Variants in SPTLC3 observed in about 807,000 individuals in gnomAD.
The protein encoded by SPTLC3 is serine palmitoyltransferase long chain base subunit 3.
Under a neutral mutation model 59.3 loss-of-function variants are expected in SPTLC3, and 36 were observed. The ratio of observed to expected loss-of-function variants is 0.61; its 90% CI spans 0.47 to 0.80. The LOEUF (loss-of-function observed/expected upper bound fraction) is 0.80, where lower values mean the gene tolerates loss of function less well. Ranked by LOEUF, SPTLC3 falls within the 30% of genes least tolerant of loss-of-function variation. The pLI is 0.00. For synonymous variants in SPTLC3, 257 were observed against 240.8 expected, an observed-to-expected ratio of 1.07 and a Z score of -0.62; for missense variants, 625 against 685.1, an observed-to-expected ratio of 0.91 and a Z score of 0.98.
At chr20:13,155,370 A>G (rs915225519) in intron 10 of SPTLC3, among the ~76,000 whole-genome samples, 11 of 152,170 alleles carry the variant, frequency 7.2e-5, no homozygotes, top group African/African-American at 2.4e-4. Context: ...GCCTGACTAG[A>G]TTGGCAGAGT....
intron 1 of SPTLC3, among the ~76,000 whole-genome samples, chr20:13,035,659 G>A (rs1986702788): frequency 6.6e-6 from 1 of 152,178 alleles, no homozygotes; most frequent in Non-Finnish European, 1.5e-5. Context: ...TCAGGAAGGT[G>A]CTGTGTGCAA....
chr20:13,132,959 C>T, intron 9 of SPTLC3: 1 of 153,680 alleles, frequency 6.5e-6, no homozygotes, highest in Non-Finnish European at 1.5e-5. Context: ...TGCCTCCTTG[C>T]TCCATGGATC....
chr20:13,061,983 T>A (rs529193697), intron 2 of SPTLC3, among the ~76,000 whole-genome samples: 25 of 152,242 alleles, frequency 1.6e-4, no homozygotes, highest in Non-Finnish European at 8.8e-5. Context: ...TCTAACTTCA[T>A]CCCTTCTCCT....
At chr20:13,163,448 A>G (rs192285331) in intron 11 of SPTLC3, among the ~76,000 whole-genome samples, 1 of 152,056 alleles carries the variant, frequency 6.6e-6, no homozygotes, top group East Asian at 1.9e-4. Flanking sequence ...AGATGCCCCA[A>G]ATGTGCAGAT....
intron 1 of SPTLC3, among the ~76,000 whole-genome samples, chr20:13,011,152 C>T (rs970740494): frequency 2.0e-5 from 3 of 152,104 alleles, no homozygotes; most frequent in African/African-American, 7.2e-5. Flanking sequence ...CAAAAAAAAC[C>T]CGGCTGAGAT....
intron 4 of SPTLC3, among the ~76,000 whole-genome samples, chr20:13,084,657 G>T (rs1988949217): frequency 6.6e-6 from 1 of 152,132 alleles, no homozygotes; most frequent in South Asian, 2.1e-4. Context: ...TAAGCAGATG[G>T]TCTGCATTTA....
intron 1 of SPTLC3, among the ~76,000 whole-genome samples, chr20:13,047,924 G>T (rs1237211737): frequency 6.6e-6 from 1 of 152,078 alleles, no homozygotes; most frequent in Non-Finnish European, 1.5e-5. Context: ...CTATTATAAT[G>T]CTTTGCCCCT....
At chr20:13,029,658 A>G (rs993711165) in intron 1 of SPTLC3, among the ~76,000 whole-genome samples, 2 of 152,156 alleles carry the variant, frequency 1.3e-5, no homozygotes, top group East Asian at 1.9e-4. Flanking sequence ...TTTTTCATGG[A>G]AGCAAAAGGC....
chr20:13,057,581 C>T (rs901159264), intron 2 of SPTLC3, among the ~76,000 whole-genome samples: 7 of 152,166 alleles, frequency 4.6e-5, no homozygotes, highest in African/African-American at 1.2e-4. Flanking sequence ...CTCTGATCAT[C>T]CTCTTTATCT....
chr20:13,040,680 C>T (rs1284926934), intron 1 of SPTLC3, among the ~76,000 whole-genome samples: 2 of 151,194 alleles, frequency 1.3e-5, no homozygotes, highest in African/African-American at 4.9e-5. Context: ...TGCCTGTGCC[C>T]CCTTTTTTTT....
intron 5 of SPTLC3, 111 bp from the exon 6 acceptor site, chr20:13,093,373 T>C (rs1166965360): frequency 7.4e-6 from 7 of 943,878 alleles, no homozygotes; most frequent in Non-Finnish European, 1.1e-5. Flanking sequence ...AAAATTAAAG[T>C]GAGTTTTAGA....
chr20:13,112,930 C>A (rs1990319140), intron 7 of SPTLC3, among the ~76,000 whole-genome samples: 1 of 152,182 alleles, frequency 6.6e-6, no homozygotes, highest in Admixed American at 6.5e-5. Flanking sequence ...TGCCTGTAAT[C>A]CTATCACTTC....
chr20:13,090,461 T>G (rs536600652), intron 4 of SPTLC3, among the ~76,000 whole-genome samples: 1 of 152,158 alleles, frequency 6.6e-6, no homozygotes, highest in East Asian at 1.9e-4. Context: ...GTGGGAAAAC[T>G]CTGATGGGGT....
At chr20:13,093,884 C>T (rs1043490906) in intron 6 of SPTLC3, among the ~76,000 whole-genome samples, 2 of 152,168 alleles carry the variant, frequency 1.3e-5, no homozygotes, top group Non-Finnish European at 2.9e-5. Flanking sequence ...AGTGTTATTA[C>T]TCTTCCCTTT....
chr20:13,069,278 C>G (rs975842361), intron 2 of SPTLC3, among the ~76,000 whole-genome samples: 6 of 152,046 alleles, frequency 3.9e-5, no homozygotes, highest in Non-Finnish European at 8.8e-5. Context: ...CGAGGCTGAC[C>G]AGAGTTCAAG....
chr20:13,115,248 A>G (rs1990470310), intron 7 of SPTLC3, among the ~76,000 whole-genome samples: 1 of 152,192 alleles, frequency 6.6e-6, no homozygotes, highest in African/African-American at 2.4e-5. Flanking sequence ...TCACATTGTG[A>G]AAATGAAAAC....
intron 1 of SPTLC3, among the ~76,000 whole-genome samples, chr20:13,032,071 A>T (rs1986502947): frequency 6.6e-6 from 1 of 152,206 alleles, no homozygotes; most frequent in African/African-American, 2.4e-5. Context: ...AGAGATAAAC[A>T]TTGTTCTCAC....
At chr20:13,151,929 T>G (rs1333957055) in intron 9 of SPTLC3, among the ~76,000 whole-genome samples, 1 of 151,712 alleles carries the variant, frequency 6.6e-6, no homozygotes, top group Non-Finnish European at 1.5e-5. Context: ...ACCTAACCGC[T>G]CACAACATGA....
At chr20:13,044,706 C>T (rs1987151244) in intron 1 of SPTLC3, among the ~76,000 whole-genome samples, 1 of 152,170 alleles carries the variant, frequency 6.6e-6, no homozygotes, top group Non-Finnish European at 1.5e-5. Flanking sequence ...CCTGCATATA[C>T]TATCTCACTT....
Sources: allele counts gnomAD v4.1 joint callset (sites outside exome capture counted in the v4.1 genomes callset), GRCh38; gene constraint gnomAD v4.1.1; transcripts MANE v1.5; gene names NCBI Gene and HGNC (gene_info 2026-07-23, HGNC 2026-07-21).